The following RBM10 variants were observed in gnomAD, a reference collection of about 807,000 sequenced individuals.
RBM10 encodes the protein RNA binding motif protein 10, also known as RNA-binding protein 10.
RBM10 carries 1 observed loss-of-function variant against 84.9 expected under a neutral mutation model. That is an observed-to-expected ratio of 0.01 (90% confidence interval 0.00 to 0.06). The LOEUF (loss-of-function observed/expected upper bound fraction) is 0.06, where lower values mean the gene tolerates loss of function less well. Ranked by LOEUF, RBM10 falls within the 10% of genes least tolerant of loss-of-function variation. RBM10 has a pLI of 1.00. For synonymous variants in RBM10, 326 were observed against 344.5 expected (o/e 0.95, Z 0.60); for missense variants, 438 against 839.0 (o/e 0.52, Z 5.90).
Position 47,147,454 on chromosome X carries a change from C to T in RBM10, c.-28C>T, listed in dbSNP as rs377020288. 1.7e-6 allele frequency: 2 copies of T among 1,209,647 alleles called. No homozygotes were observed. Among genetic ancestry groups the T allele is most frequent in the Non-Finnish European group, 2.2e-6 (2 of 894,945 alleles). On this transcript the variant is annotated 5_prime_UTR_variant, in exon 2 of 24. Transcript: ENST00000377604. ...GGAGCCAGCGGCTGAGGAGGGGCCCCAGCAGCCCCCGAAGGCCCTATCAGG... is the reference window on the plus strand; with the variant it reads ...GGAGCCAGCGGCTGAGGAGGGGCCCTAGCAGCCCCCGAAGGCCCTATCAGG...
At chrX:47,170,797 T>TA (rs1212127116) in intron 3 of RBM10, among the ~76,000 whole-genome samples, 1 of 112,077 alleles carries the variant, frequency 8.9e-6, no homozygotes, top group East Asian at 2.8e-4. Context: ...TACTGTCACC[T>TA]ACCTCTCCCC....
At position 47,186,725 on chromosome X, in the gene RBM10, T is replaced by G; in HGVS notation, c.*126T>G. ...AGCCCACTCCCCAGCCAGAGAGGGCTTGACCAAATCAAATTGAGGTGGTGA... is the reference window on the plus strand; with the variant it reads ...AGCCCACTCCCCAGCCAGAGAGGGCGTGACCAAATCAAATTGAGGTGGTGA... On this transcript the variant is annotated 3_prime_UTR_variant, in exon 24 of 24. Transcript: ENST00000377604. 1.1e-6 allele frequency: 1 copy of G among 905,322 alleles called. No individual in the cohort carries two copies. Among genetic ancestry groups the G allele is most frequent in the East Asian group, 3.2e-5 (1 of 31,460 alleles). The allele number at this position is 905,322 out of a possible 1,213,427, so 74.6% of individuals were successfully genotyped here.
intron 7 of RBM10, among the ~76,000 whole-genome samples, chrX:47,177,069 C>G (rs148006548): frequency 5.3e-3 from 591 of 111,980 alleles, no homozygotes; most frequent in Non-Finnish European, 9.2e-3. Flanking sequence ...TTAATGACAC[C>G]TCTCCCAAAA....
At position 47,169,298 on chromosome X, in the gene RBM10, C is replaced by T. The variant is rs1934463198; in HGVS notation, c.18-17C>T. The T allele has an allele frequency of 8.4e-7, 1 of 1,196,528 alleles. No homozygotes were observed. The highest frequency in any genetic ancestry group is 1.1e-6 in the Non-Finnish European group (1 of 884,526). On this transcript the variant is annotated splice_polypyrimidine_tract_variant and intron_variant, in intron 2 of 23. Coordinates refer to ENST00000377604, the MANE Select transcript of RBM10 (RefSeq NM_005676.5). ...GGGCAACCTTCTGATCCCTCCCCAT[C>T]CTTCTTCCTCCACTAGTGGTGGTCG...
At chrX:47,183,538 A>T (rs1327836181) in intron 17 of RBM10, among the ~76,000 whole-genome samples, 1 of 108,028 alleles carries the variant, frequency 9.3e-6, no homozygotes, top group Non-Finnish European at 1.9e-5. Flanking sequence ...TATATATATT[A>T]TATATATATA....
chrX:47,166,791 T>G (rs1469921882), intron 2 of RBM10, among the ~76,000 whole-genome samples: 1 of 106,820 alleles, frequency 9.4e-6, no homozygotes. Flanking sequence ...TTTTTTTTTT[T>G]TTTTGACTGA....
chrX:47,161,519 T>C (rs1420063686), intron 2 of RBM10, among the ~76,000 whole-genome samples: 3 of 61,000 alleles, frequency 4.9e-5, no homozygotes, highest in African/African-American at 2.3e-4. Context: ...ATTAGTTTTT[T>C]TTTTTTTTTT....
Position 47,171,078 on chromosome X carries a change from G to C in RBM10, c.252G>C (p.Arg84=), listed in dbSNP as rs782438851. ...PGSETQRRRR[R]RHRHSPTGPP... ...CCGAGACTCAGCGTAGGCGGCGGCG[G>C]CGGCACAGGCACAGCCCCACCGGCC... The change falls in exon 4 of 24, where the codon CGG becomes CGC. Residue 84 remains arginine, a synonymous_variant. Coordinates refer to ENST00000377604, the MANE Select transcript of RBM10 (RefSeq NM_005676.5). The C allele has an allele frequency of 8.3e-6, 10 of 1,208,971 alleles. No individual in the cohort carries two copies. Among genetic ancestry groups the C allele is most frequent in the South Asian group, 3.5e-5 (2 of 56,648 alleles).
At chrX:47,166,690 A>G (rs1200971496) in intron 2 of RBM10, among the ~76,000 whole-genome samples, 2 of 110,017 alleles carry the variant, frequency 1.8e-5, no homozygotes, top group African/African-American at 6.6e-5. Context: ...TATGTTGTCC[A>G]GGCTGGTCTT....
intron 21 of RBM10, 52 bp from the exon 22 acceptor site, chrX:47,186,013 C>T (rs1602606594): frequency 8.4e-7 from 1 of 1,193,198 alleles, no homozygotes; most frequent in East Asian, 3.0e-5. Flanking sequence ...CCTGTGTTGC[C>T]TGAGAAAAGA....
intron 17 of RBM10, 107 bp from the exon 18 acceptor site, chrX:47,184,948 A>G: frequency 1.1e-6 from 1 of 950,860 alleles, no homozygotes; most frequent in East Asian, 3.4e-5. Flanking sequence ...GACTAGGGAT[A>G]GTGGCTGGCC....
intron 9 of RBM10, 171 bp downstream of exon 9, chrX:47,179,666 TG>T: frequency 1.3e-6 from 1 of 760,052 alleles, no homozygotes; most frequent in Non-Finnish European, 1.9e-6. Context: ...CACCTGACTT[TG>T]GGGGTGTGTC....
intron 2 of RBM10, among the ~76,000 whole-genome samples, chrX:47,168,977 C>T (rs1457786995): frequency 2.7e-5 from 3 of 110,577 alleles, no homozygotes; most frequent in East Asian, 2.9e-4. Flanking sequence ...AGGCAGGTTG[C>T]ACTTCAGAGA....
At chrX:47,159,489 C>T (rs1417610262) in intron 2 of RBM10, among the ~76,000 whole-genome samples, 1 of 110,573 alleles carries the variant, frequency 9.0e-6, no homozygotes, top group Non-Finnish European at 1.9e-5. Flanking sequence ...GGTATATACC[C>T]GGTAGCAGGA....
chrX:47,173,305 A>C, intron 5 of RBM10, 108 bp downstream of exon 5: 1 of 1,167,492 alleles, frequency 8.6e-7, no homozygotes, highest in East Asian at 3.2e-5. Flanking sequence ...TTCCTGCCAC[A>C]GCTGGGAATG....
intron 1 of RBM10, among the ~76,000 whole-genome samples, chrX:47,145,851 T>C (rs1267588923): frequency 1.9e-5 from 2 of 102,853 alleles, no homozygotes; most frequent in Non-Finnish European, 3.9e-5. Context: ...TCTGTGTTAC[T>C]CTGGTGTTTA....
At chrX:47,166,351 G>A (rs1934198789) in intron 2 of RBM10, among the ~76,000 whole-genome samples, 1 of 111,821 alleles carries the variant, frequency 8.9e-6, no homozygotes, top group East Asian at 2.8e-4. Flanking sequence ...GCTACAGTAA[G>A]CTATGATTGC....
chrX:47,180,812 T>A (rs192143646), intron 12 of RBM10, among the ~76,000 whole-genome samples: 1 of 111,934 alleles, frequency 8.9e-6, no homozygotes, highest in Non-Finnish European at 1.9e-5. Context: ...ACACATATCC[T>A]TATATGTAAT....
chrX:47,178,445 G>A (rs1283432980), intron 7 of RBM10, among the ~76,000 whole-genome samples: 5 of 111,455 alleles, frequency 4.5e-5, no homozygotes, highest in African/African-American at 1.6e-4. Context: ...CCTGCTGGAT[G>A]GTCCATGCAG....
Sources: gnomAD v4.1 joint callset for allele counts (sites outside exome capture counted in the v4.1 genomes callset) on GRCh38, gnomAD v4.1.1 for gene constraint, MANE v1.5 for transcripts, NCBI Gene and HGNC (gene_info 2026-07-23, HGNC 2026-07-21) for gene names.